PALM2AKAP2: variants seen among roughly 807,000 people sequenced by gnomAD.
The protein encoded by PALM2AKAP2 is PALM2-AKAP2 fusion protein.
In PALM2AKAP2, 37 loss-of-function variants were observed where a neutral mutation model predicts 71.5. That is an observed-to-expected ratio of 0.52 (90% CI 0.40 to 0.68). The LOEUF is 0.68. Among genes scored for constraint, PALM2AKAP2 ranks in the 30% least tolerant of loss-of-function variants. The pLI, the probability that PALM2AKAP2 is intolerant of heterozygous loss-of-function variation, is 0.00. For synonymous variants in PALM2AKAP2, 468 were observed against 478.8 expected (o/e 0.98, Z 0.29); for missense variants, 1,224 against 1,191.8 (o/e 1.03, Z -0.40).
At chr9:110,136,167 G>A in exon 2 of PALM2AKAP2, 1 of 1,603,354 alleles carries the variant, frequency 6.2e-7, no homozygotes, top group South Asian at 1.1e-5. Flanking sequence ...TGGCTAAAAA[G>A]CGAGGGAGAC....
chr9:110,092,102 C>T (rs1423250640), intron 1 of PALM2AKAP2, among the ~76,000 whole-genome samples: 1 of 152,110 alleles, frequency 6.6e-6, no homozygotes, highest in Non-Finnish European at 1.5e-5. Flanking sequence ...GAAGCCGAGG[C>T]GGGAGGACCA....
At chr9:110,029,854 G>A (rs1047016167) in intron 7 of PALM2AKAP2, among the ~76,000 whole-genome samples, 2 of 152,262 alleles carry the variant, frequency 1.3e-5, no homozygotes. Flanking sequence ...ATGTCCCTGA[G>A]GGTTTGGAAT....
chr9:110,029,095 C>A (rs1377656665), intron 7 of PALM2AKAP2, among the ~76,000 whole-genome samples: 2 of 152,112 alleles, frequency 1.3e-5, no homozygotes, highest in East Asian at 3.9e-4. Context: ...GCTAGGAATC[C>A]AAATCTGATC....
At chr9:109,678,971 ACT>A (rs145759823) in intron 1 of PALM2AKAP2, among the ~76,000 whole-genome samples, 2,114 of 152,168 alleles carry the variant, frequency 0.014, 60 homozygotes, top group African/African-American at 0.048. Flanking sequence ...GCAAAGGCAA[ACT>A]CACGTTTAGG....
At chr9:109,771,988 G>C (rs1829272440) in intron 1 of PALM2AKAP2, 1 of 152,374 alleles carries the variant, frequency 6.6e-6, no homozygotes, top group African/African-American at 2.4e-5. Context: ...TGCAGCAGAA[G>C]TGGCCCTGCC....
chr9:109,892,735 G>C (rs1830115078), intron 3 of PALM2AKAP2, among the ~76,000 whole-genome samples: 1 of 151,798 alleles, frequency 6.6e-6, no homozygotes, highest in Admixed American at 6.6e-5. Context: ...TATAATTTGA[G>C]GCAAGTTCTT....
chr9:110,146,150 G>A (rs572487265), intron 2 of PALM2AKAP2, among the ~76,000 whole-genome samples: 3 of 151,958 alleles, frequency 2.0e-5, no homozygotes, highest in South Asian at 2.1e-4. Context: ...CACCTGCCTC[G>A]GCCTCCCAAA....
At chr9:109,933,178 C>T (rs924383719) in intron 6 of PALM2AKAP2, among the ~76,000 whole-genome samples, 8 of 152,202 alleles carry the variant, frequency 5.3e-5, no homozygotes, top group Admixed American at 4.6e-4. Context: ...CCACATCTTC[C>T]TGGACAGTGA....
chr9:109,667,932 T>TAAAGTAATTGAGC (rs1587860398), intron 1 of PALM2AKAP2, among the ~76,000 whole-genome samples: 1 of 81,206 alleles, frequency 1.2e-5, no homozygotes. Context: ...GCTTTGGTTT[T>TAAAGTAATTGAGC]TTTTTTTTTT....
At chr9:109,885,144 G>A (rs1829935430) in intron 3 of PALM2AKAP2, among the ~76,000 whole-genome samples, 1 of 152,152 alleles carries the variant, frequency 6.6e-6, no homozygotes, top group South Asian at 2.1e-4. Flanking sequence ...TCTTTACAGT[G>A]CCAGTAACTG....
At chr9:110,087,539 C>T (rs530845885) in intron 1 of PALM2AKAP2, among the ~76,000 whole-genome samples, 1 of 152,146 alleles carries the variant, frequency 6.6e-6, no homozygotes, top group Non-Finnish European at 1.5e-5. Flanking sequence ...TTTGGAGGCT[C>T]CTTCAGTTCC....
intron 1 of PALM2AKAP2, among the ~76,000 whole-genome samples, chr9:110,113,243 CTTTTTTTTTT>C (rs55734110): frequency 7.2e-6 from 1 of 139,688 alleles, no homozygotes; most frequent in African/African-American, 2.7e-5. Context: ...TTGTTTTTTT[CTTTTTTTTTT>C]TTTTGAGATG....
At chr9:109,759,380 C>A (rs1036677278) in intron 1 of PALM2AKAP2, among the ~76,000 whole-genome samples, 3 of 152,008 alleles carry the variant, frequency 2.0e-5, no homozygotes, top group Non-Finnish European at 4.4e-5. Flanking sequence ...CCAGAATCAC[C>A]ACAAACTCAG....
At chr9:110,118,082 A>C (rs1027952834) in intron 1 of PALM2AKAP2, among the ~76,000 whole-genome samples, 1 of 150,566 alleles carries the variant, frequency 6.6e-6, no homozygotes, top group South Asian at 2.1e-4. Flanking sequence ...ATATTCAAGG[A>C]TCTCCAATGC....
chr9:110,051,376 T>C (rs1271754572), intron 1 of PALM2AKAP2, among the ~76,000 whole-genome samples: 1 of 152,226 alleles, frequency 6.6e-6, no homozygotes, highest in East Asian at 1.9e-4. Context: ...TTGAATATTT[T>C]CTTATAGAAC....
At chr9:109,898,409 AAC>A (rs1216526140) in intron 3 of PALM2AKAP2, among the ~76,000 whole-genome samples, 7 of 152,216 alleles carry the variant, frequency 4.6e-5, no homozygotes, top group Admixed American at 2.0e-4. Flanking sequence ...GACATTTGAA[AAC>A]ACATTTTTTT....
At chr9:109,837,242 G>A (rs977979384) in intron 1 of PALM2AKAP2, among the ~76,000 whole-genome samples, 15 of 152,152 alleles carry the variant, frequency 9.9e-5, no homozygotes, top group Non-Finnish European at 1.8e-4. Flanking sequence ...TTAAAGAAAA[G>A]AATTTTCAAT....
At chr9:110,142,456 A>G (rs951506498) in intron 2 of PALM2AKAP2, among the ~76,000 whole-genome samples, 1 of 152,230 alleles carries the variant, frequency 6.6e-6, no homozygotes, top group Non-Finnish European at 1.5e-5. Context: ...TTGTTTATAC[A>G]GAGGTGAATA....
At chr9:109,875,057 C>T (rs897647308) in intron 2 of PALM2AKAP2, among the ~76,000 whole-genome samples, 1 of 152,196 alleles carries the variant, frequency 6.6e-6, no homozygotes, top group Non-Finnish European at 1.5e-5. Flanking sequence ...CTACAGAATC[C>T]TACCTAATCT....
Sources: allele counts gnomAD v4.1 joint callset (sites outside exome capture counted in the v4.1 genomes callset), GRCh38; gene constraint gnomAD v4.1.1; transcripts MANE v1.5; gene names NCBI Gene and HGNC (gene_info 2026-07-23, HGNC 2026-07-21).